Variants in DLGAP2 observed in about 807,000 individuals in gnomAD.
DLGAP2 encodes disks large-associated protein 2.
Under a neutral mutation model 100.3 loss-of-function variants are expected in DLGAP2, and 26 were observed. The ratio of observed to expected loss-of-function variants is 0.26; its 90% CI spans 0.19 to 0.36. The LOEUF is 0.36. Among genes scored for constraint, DLGAP2 ranks in the 10% least tolerant of loss-of-function variants. The pLI is 1.00. For synonymous variants in DLGAP2, 886 were observed against 630.1 expected (o/e 1.41, Z -6.08); for missense variants, 1,858 against 1,453.2 (o/e 1.28, Z -4.53).
intron 12 of DLGAP2, among the ~76,000 whole-genome samples, chr8:1,690,471 G>A (rs565714398): frequency 6.6e-6 from 1 of 151,614 alleles, no homozygotes; most frequent in East Asian, 2.0e-4. Context: ...TTGGGAGGCT[G>A]AGATGGGTGG....
chr8:1,527,141 C>T (rs972803828), intron 4 of DLGAP2, among the ~76,000 whole-genome samples: 3 of 152,262 alleles, frequency 2.0e-5, no homozygotes, highest in Non-Finnish European at 1.5e-5. Context: ...TTCACACGCC[C>T]TATCCAACCC....
intron 3 of DLGAP2, among the ~76,000 whole-genome samples, chr8:1,357,892 T>G (rs545940311): frequency 6.6e-6 from 1 of 152,178 alleles, no homozygotes; most frequent in Non-Finnish European, 1.5e-5. Context: ...CACCTGCATC[T>G]AACTGACATG....
chr8:870,727 A>T (rs1254617216), intron 1 of DLGAP2, among the ~76,000 whole-genome samples: 1 of 152,096 alleles, frequency 6.6e-6, no homozygotes, highest in African/African-American at 2.4e-5. Context: ...GCACCCCAGC[A>T]CATTCCCTGA....
chr8:1,174,593 GTCA>G (rs930904791), intron 2 of DLGAP2, among the ~76,000 whole-genome samples: 7 of 149,394 alleles, frequency 4.7e-5, no homozygotes, highest in Non-Finnish European at 7.4e-5. Flanking sequence ...CATCATTGTC[GTCA>G]TCATCATTAC....
chr8:1,067,930 C>T (rs1803308901), intron 2 of DLGAP2, among the ~76,000 whole-genome samples: 1 of 152,086 alleles, frequency 6.6e-6, no homozygotes, highest in Non-Finnish European at 1.5e-5. Context: ...GTTTCTCTGT[C>T]CTAAAAATCC....
intron 6 of DLGAP2, among the ~76,000 whole-genome samples, chr8:1,586,573 C>T (rs1796126828): frequency 1.3e-5 from 2 of 152,216 alleles, no homozygotes; most frequent in African/African-American, 4.8e-5. Flanking sequence ...ATTCCACCTG[C>T]AACCTTCATG....
chr8:1,473,072 A>T (rs34620280), intron 3 of DLGAP2, among the ~76,000 whole-genome samples: 10 of 152,042 alleles, frequency 6.6e-5, no homozygotes, highest in African/African-American at 1.2e-4. Flanking sequence ...CTGGGATTAC[A>T]GGCACCTGCC....
At chr8:819,887 A>G (rs1026373946) in intron 1 of DLGAP2, among the ~76,000 whole-genome samples, 56 of 152,186 alleles carry the variant, frequency 3.7e-4, no homozygotes, top group African/African-American at 1.3e-3. Flanking sequence ...TTCCATGCGA[A>G]CCCTTTCCTG....
At position 1,548,717 on chromosome 8, in the gene DLGAP2, G is replaced by T. The variant is rs764189717; in HGVS notation, c.264G>T (p.Arg88=). Residue 88 remains arginine (R), a synonymous_variant, in exon 5 of 15, where the codon CGG becomes CGT. Transcript: ENST00000637795. ...PRSMKGLSGS[R]TQPPLCSGHT... The stretch of plus-strand genomic sequence containing the variant: ...GCATGAAGGGCCTTTCCGGAAGTCG[G>T]ACCCAGCCGCCGCTGTGTTCCGGGC... 6.2e-7 allele frequency: 1 copy of T among 1,606,812 alleles called. No individual in the cohort carries two copies. The highest frequency in any genetic ancestry group is 2.2e-5 in the East Asian group (1 of 44,708).
intron 3 of DLGAP2, among the ~76,000 whole-genome samples, chr8:1,443,060 A>G (rs1392080103): frequency 6.6e-6 from 1 of 152,206 alleles, no homozygotes; most frequent in Non-Finnish European, 1.5e-5. Flanking sequence ...TTGTTAGACA[A>G]CCCTTAGTTA....
chr8:1,286,429 G>A (rs1461635620), intron 3 of DLGAP2, among the ~76,000 whole-genome samples: 1 of 152,222 alleles, frequency 6.6e-6, no homozygotes, highest in Non-Finnish European at 1.5e-5. Flanking sequence ...AAGGAAGAAG[G>A]TGGGTTCAAA....
intron 2 of DLGAP2, among the ~76,000 whole-genome samples, chr8:921,307 G>T (rs1236047905): frequency 6.6e-6 from 1 of 152,110 alleles, no homozygotes. Flanking sequence ...CCTCCCTGTT[G>T]CAGTGTTGAG....
Position 1,707,455 on chromosome 8 carries a change from T to C in DLGAP2, c.*6049T>C, listed in dbSNP as rs1402879155. 2.0e-5 allele frequency: 3 copies of C among 152,188 alleles called. No individual in the cohort carries two copies. Among genetic ancestry groups the C allele is most frequent in the African/African-American group, 4.8e-5 (2 of 41,434 alleles). 9.4% of individuals were successfully genotyped at this position (152,188 alleles called of 1,614,324 possible). Reference sequence around the variant, plus strand: ...GCCCCAGCCCCACTCATTTAAATAATACAATCATATCACTTTCAAAGGGCT... The same window carrying C: ...GCCCCAGCCCCACTCATTTAAATAACACAATCATATCACTTTCAAAGGGCT... On this transcript the variant is annotated 3_prime_UTR_variant, in exon 15 of 15. Transcript: ENST00000637795.
intron 2 of DLGAP2, among the ~76,000 whole-genome samples, chr8:943,041 C>T (rs966066243): frequency 2.0e-5 from 3 of 152,182 alleles, no homozygotes; most frequent in Admixed American, 6.5e-5. Context: ...ATTGAGCTTG[C>T]GTGACTGACC....
intron 2 of DLGAP2, among the ~76,000 whole-genome samples, chr8:1,083,625 A>G (rs2336695): frequency 0.56 from 84,683 of 152,004 alleles, 23,995 homozygotes; most frequent in Non-Finnish European, 0.6. Context: ...AATGTTGAGA[A>G]AATCAGATAT....
chr8:1,145,947 CA>C (rs1285934548), intron 2 of DLGAP2, among the ~76,000 whole-genome samples: 5 of 151,886 alleles, frequency 3.3e-5, no homozygotes. Context: ...ATGAACTCAT[CA>C]TTTTTTATGG....
At chr8:1,382,783 A>C (rs7388258) in intron 3 of DLGAP2, among the ~76,000 whole-genome samples, 30,283 of 152,126 alleles carry the variant, frequency 0.2, 3,313 homozygotes, top group East Asian at 0.3. Context: ...GTTTACATTG[A>C]TTATAGCAAG....
At chr8:1,142,939 C>T (rs755302121) in intron 2 of DLGAP2, among the ~76,000 whole-genome samples, 14 of 152,234 alleles carry the variant, frequency 9.2e-5, no homozygotes, top group East Asian at 1.9e-4. Flanking sequence ...CAGAATTGCT[C>T]GTCATGTTCT....
chr8:784,978 C>G (rs1821798283), intron 1 of DLGAP2, among the ~76,000 whole-genome samples: 1 of 151,844 alleles, frequency 6.6e-6, no homozygotes, highest in African/African-American at 2.4e-5. Flanking sequence ...GAGGCCGAGG[C>G]AGGCGGATCA....
Sources: allele counts gnomAD v4.1 joint callset (sites outside exome capture counted in the v4.1 genomes callset), GRCh38; gene constraint gnomAD v4.1.1; transcripts MANE v1.5; gene names NCBI Gene and HGNC (gene_info 2026-07-23, HGNC 2026-07-21).